The following HUWE1 variants were observed in gnomAD, a reference collection of about 807,000 sequenced individuals.
HUWE1 encodes E3 ubiquitin-protein ligase HUWE1.
A neutral mutation model predicts 299.4 loss-of-function variants in HUWE1; 18 were observed. The ratio of observed to expected loss-of-function variants is 0.06; its 90% CI spans 0.04 to 0.09. The LOEUF is 0.09. HUWE1 is among the 10% of genes least tolerant of loss of function. The probability of loss-of-function intolerance (pLI) is 1.00; values close to 1 mark genes in which losing one functional copy is unlikely to be tolerated. For missense variants in HUWE1, 1,832 were observed against 3,462.3 expected (o/e 0.53, Z 11.82); for synonymous variants, 1,317 against 1,286.1 (o/e 1.02, Z -0.51).
chrX:53,670,415 T>A (rs1196405596), intron 3 of HUWE1, among the ~76,000 whole-genome samples: 1 of 111,504 alleles, frequency 9.0e-6, no homozygotes, highest in African/African-American at 3.3e-5. Context: ...CATGTTACCA[T>A]GGATATGTTA....
At chrX:53,553,130 G>A (rs908216006) in intron 61 of HUWE1, among the ~76,000 whole-genome samples, 5 of 110,558 alleles carry the variant, frequency 4.5e-5, no homozygotes, top group African/African-American at 1.6e-4. Context: ...TCTTCCCTAG[G>A]CAAACCAGGT....
intron 29 of HUWE1, among the ~76,000 whole-genome samples, chrX:53,598,460 G>C (rs1242834718): frequency 9.0e-6 from 1 of 110,944 alleles, no homozygotes; most frequent in Non-Finnish European, 1.9e-5. Context: ...GAGACAGCAA[G>C]ACCAACATCC....
Position 53,554,868 on chromosome X carries a change from T to A in HUWE1, c.8259A>T (p.Ala2753=). The A allele has an allele frequency of 8.3e-7, 1 of 1,199,466 alleles. No individual in the cohort carries two copies. Among genetic ancestry groups the A allele is most frequent in the Non-Finnish European group, 1.1e-6 (1 of 888,157 alleles). ...SYPTTPSSTD[A]ATSESKETLG... ...GGGTCTCCTTGGACTCAGATGTAGCTGCATCAGTTGAAGATGGGGTTGTTG... is the reference window on the plus strand; with the variant it reads ...GGGTCTCCTTGGACTCAGATGTAGCAGCATCAGTTGAAGATGGGGTTGTTG... Residue 2753 remains alanine (A), a synonymous_variant, in exon 61 of 84, where the codon GCA becomes GCT. Transcript: ENST00000262854.
In HUWE1 at chrX:53,578,436, G is replaced by A. The variant is rs1254501066; in HGVS notation, c.5717-1369C>T. On this transcript the variant is annotated intron_variant, in intron 43 of 83. Coordinates refer to ENST00000262854, the MANE Select transcript of HUWE1 (RefSeq NM_031407.7). Reference sequence around the variant, plus strand: ...TCTGCCCGGCCGCCCCTACTGGGAAGTGAGGAGCCCCTCTGCCCGGCCAGT... The same window carrying A: ...TCTGCCCGGCCGCCCCTACTGGGAAATGAGGAGCCCCTCTGCCCGGCCAGT... 6.4e-5 allele frequency among the ~76,000 whole-genome samples: 6 copies of A among 93,461 alleles called. No individual in the cohort carries two copies. The East Asian group carries it at 1.1e-3, about 17-fold the overall frequency. 81.2% of individuals were successfully genotyped at this position (93,461 alleles called of 115,157 possible).
intron 29 of HUWE1, 124 bp from the exon 30 acceptor site, chrX:53,595,527 T>G (rs2148506371): frequency 1.7e-6 from 1 of 577,509 alleles, no homozygotes; most frequent in African/African-American, 2.3e-5. Context: ...TAGTTAACAC[T>G]TGGATTTGTT....
intron 3 of HUWE1, among the ~76,000 whole-genome samples, chrX:53,660,749 G>A (rs1478502922): frequency 4.5e-5 from 5 of 111,426 alleles, no homozygotes; most frequent in African/African-American, 1.6e-4. Context: ...AGACATCTTA[G>A]GTAAAGGAGG....
chrX:53,608,974 A>G (rs1237848764), intron 23 of HUWE1, 65 bp from the exon 24 acceptor site: 2 of 646,197 alleles, frequency 3.1e-6, no homozygotes, highest in Non-Finnish European at 5.2e-6. Context: ...AGAACAGAGG[A>G]GGAGGCACTG....
At chrX:53,612,735 A>G (rs2065560265) in intron 23 of HUWE1, among the ~76,000 whole-genome samples, 3 of 112,150 alleles carry the variant, frequency 2.7e-5, no homozygotes, top group South Asian at 7.4e-4. Context: ...CTTCAAGAAT[A>G]AGACATTTGA....
intron 2 of HUWE1, among the ~76,000 whole-genome samples, chrX:53,681,517 G>A (rs1244779699): frequency 9.0e-6 from 1 of 110,825 alleles, no homozygotes; most frequent in Non-Finnish European, 1.9e-5. Flanking sequence ...ATATAAAATG[G>A]CAATAACACA....
At chrX:53,606,178 C>T (rs1556996571) in intron 25 of HUWE1, among the ~76,000 whole-genome samples, 2 of 111,839 alleles carry the variant, frequency 1.8e-5, no homozygotes, top group Admixed American at 9.5e-5. Context: ...ACTCACAGAA[C>T]AGGAAAAATA....
chrX:53,584,895 A>G, intron 40 of HUWE1, 117 bp downstream of exon 40: 2 of 812,595 alleles, frequency 2.5e-6, no homozygotes, highest in Admixed American at 4.4e-5. Flanking sequence ...TGATAAGCTA[A>G]AAAGAACAAC....
At chrX:53,549,601 A>C in intron 66 of HUWE1, 96 bp from the exon 67 acceptor site, 1 of 771,647 alleles carries the variant, frequency 1.3e-6, no homozygotes, top group Non-Finnish European at 1.9e-6. Context: ...AGGTATCTCC[A>C]AGGAGGCTTG....
At chrX:53,663,015 CTAAT>C (rs2069082123) in intron 3 of HUWE1, among the ~76,000 whole-genome samples, 1 of 112,083 alleles carries the variant, frequency 8.9e-6, no homozygotes, top group Non-Finnish European at 1.9e-5. Context: ...GCAAAACTAG[CTAAT>C]TATGCTATCA....
At chrX:53,613,082 G>A (rs1314993303) in intron 23 of HUWE1, among the ~76,000 whole-genome samples, 1 of 111,302 alleles carries the variant, frequency 9.0e-6, no homozygotes, top group Non-Finnish European at 1.9e-5. Context: ...TGTGACAAAG[G>A]AAGCACTAAG....
Position 53,550,739 on chromosome X carries a change from C to G in HUWE1, c.9415G>C (p.Gly3139Arg). ...ACAGCAAGGCGAGTATACTGGACCC[C>G]ACGGTTGCCACTTAAGCGACTGGTG... is the stretch of plus-strand genomic sequence containing the variant. ...AFTSRLSGNR[G>R]VQYTRLAVQR... The change falls in exon 66 of 84, where the codon GGG becomes CGG. Residue 3139 changes from glycine (G) to arginine (R), a missense_variant. Gly to Arg is a moderately radical substitution (Grantham distance 125). Transcript: ENST00000262854. 8.3e-7 allele frequency: 1 copy of G among 1,211,589 alleles called. No individual in the cohort carries two copies. The highest frequency in any genetic ancestry group is 1.1e-6 in the Non-Finnish European group (1 of 895,402).
At chrX:53,676,466 G>C (rs1391533246) in intron 3 of HUWE1, among the ~76,000 whole-genome samples, 6 of 111,925 alleles carry the variant, frequency 5.4e-5, no homozygotes, top group South Asian at 7.4e-4. Flanking sequence ...GCAGGCTAGG[G>C]AGGTTAAGTG....
intron 62 of HUWE1, 82 bp downstream of exon 62, chrX:53,552,556 T>A (rs2061809768): frequency 8.3e-7 from 1 of 1,200,677 alleles, no homozygotes; most frequent in African/African-American, 1.7e-5. Context: ...ATAACAAGCA[T>A]GTCCATTAGT....
At chrX:53,610,271 A>G (rs782290500) in intron 23 of HUWE1, among the ~76,000 whole-genome samples, 2 of 111,989 alleles carry the variant, frequency 1.8e-5, no homozygotes, top group African/African-American at 6.5e-5. Context: ...TGAGACCTAT[A>G]TGCCCCCTTC....
At chrX:53,669,154 A>G (rs1171151719) in intron 3 of HUWE1, among the ~76,000 whole-genome samples, 2 of 112,352 alleles carry the variant, frequency 1.8e-5, no homozygotes, top group Non-Finnish European at 3.8e-5. Context: ...TCTTTCCAGG[A>G]TGTTGAAAAG....
Sources: allele counts gnomAD v4.1 joint callset (sites outside exome capture counted in the v4.1 genomes callset), GRCh38; gene constraint gnomAD v4.1.1; transcripts MANE v1.5; gene names NCBI Gene and HGNC (gene_info 2026-07-23, HGNC 2026-07-21).